The following GNAQ variants were observed in gnomAD, a reference collection of about 807,000 sequenced individuals.
GNAQ encodes the protein G protein subunit alpha q.
GNAQ carries 8 observed loss-of-function variants against 43.9 expected under a neutral mutation model. That is an observed-to-expected ratio of 0.18 (90% CI 0.11 to 0.33). The LOEUF is 0.33. Ranked by LOEUF, GNAQ falls within the 10% of genes least tolerant of loss-of-function variation. GNAQ has a pLI of 1.00. For synonymous variants in GNAQ, 155 were observed against 170.7 expected (o/e 0.91, Z 0.71); for missense variants, 158 against 450.8 (o/e 0.35, Z 5.88).
rs534042373 is a variant in GNAQ at position 77,719,325 on chromosome 9, T to C, written c.*1998A>G. The C allele has an allele frequency of 8.6e-6, 2 of 232,780 alleles. No individual in the cohort carries two copies. The highest frequency in any genetic ancestry group is 3.6e-4 in the South Asian group (2 of 5,520). The allele number at this position is 232,780 out of a possible 1,614,324, so 14.4% of individuals were successfully genotyped here. A position where few individuals can be genotyped will look rare whatever the true frequency, so the allele number is the denominator to read the frequency against. ...AAAATTAATGATTACAAAGCCAGTA[T>C]GGATGCTGCAATATCAAGAGAGATG... is the stretch of plus-strand genomic sequence containing the variant. On this transcript the variant is annotated 3_prime_UTR_variant, in exon 7 of 7. Coordinates refer to ENST00000286548, the MANE Select transcript of GNAQ (RefSeq NM_002072.5).
intron 2 of GNAQ, among the ~76,000 whole-genome samples, chr9:77,852,383 A>G (rs760816546): frequency 1.3e-5 from 2 of 152,228 alleles, no homozygotes; most frequent in Non-Finnish European, 2.9e-5. Flanking sequence ...GCTTTGGCAG[A>G]GCAATGAAGA....
chr9:77,821,821 A>T (rs558555786), intron 2 of GNAQ, among the ~76,000 whole-genome samples: 1 of 152,136 alleles, frequency 6.6e-6, no homozygotes, highest in African/African-American at 2.4e-5. Context: ...GTTTATACAA[A>T]GTCACAGTTG....
chr9:77,803,129 T>C (rs1826772703), intron 3 of GNAQ, among the ~76,000 whole-genome samples: 1 of 152,154 alleles, frequency 6.6e-6, no homozygotes, highest in African/African-American at 2.4e-5. Context: ...CTGTAGTGGT[T>C]AGAAAGGCAA....
chr9:77,870,324 G>GTTTTTTT (rs781464413), intron 2 of GNAQ, among the ~76,000 whole-genome samples: 2 of 111,112 alleles, frequency 1.8e-5, no homozygotes, highest in Non-Finnish European at 1.8e-5. Flanking sequence ...TTTGGTGCTA[G>GTTTTTTT]TTTTTTTTTT....
intron 2 of GNAQ, among the ~76,000 whole-genome samples, chr9:77,879,686 T>C (rs1318336111): frequency 1.3e-5 from 2 of 152,254 alleles, no homozygotes; most frequent in Admixed American, 6.5e-5. Context: ...AGGCCTAAAA[T>C]ATTTTTAAAA....
At chr9:77,747,125 G>C (rs10869962) in intron 5 of GNAQ, among the ~76,000 whole-genome samples, 85,450 of 151,942 alleles carry the variant, frequency 0.56, 27,188 homozygotes, top group Non-Finnish European at 0.72. Flanking sequence ...GGAAACACAG[G>C]AGAGTTTTCA....
At chr9:77,959,975 C>A (rs1823087837) in intron 1 of GNAQ, among the ~76,000 whole-genome samples, 3 of 152,126 alleles carry the variant, frequency 2.0e-5, no homozygotes, top group African/African-American at 7.2e-5. Context: ...CACCTCTATC[C>A]TCTGAAAGAA....
chr9:77,895,205 A>G (rs1828480357), intron 2 of GNAQ, among the ~76,000 whole-genome samples: 1 of 152,000 alleles, frequency 6.6e-6, no homozygotes, highest in Admixed American at 6.6e-5. Flanking sequence ...CTCAAAAAAA[A>G]AAAAAAAACA....
At chr9:77,827,694 T>C (rs1460164055) in intron 2 of GNAQ, among the ~76,000 whole-genome samples, 1 of 152,028 alleles carries the variant, frequency 6.6e-6, no homozygotes, top group East Asian at 1.9e-4. Context: ...GCTTCATTCT[T>C]CTCTCTCATT....
At chr9:77,842,785 T>C (rs558166883) in intron 2 of GNAQ, among the ~76,000 whole-genome samples, 2 of 152,164 alleles carry the variant, frequency 1.3e-5, no homozygotes, top group Non-Finnish European at 2.9e-5. Flanking sequence ...GATACTTTGA[T>C]GAACATATGC....
chr9:78,026,802 T>C (rs1347004697), intron 1 of GNAQ, among the ~76,000 whole-genome samples: 1 of 152,252 alleles, frequency 6.6e-6, no homozygotes, highest in South Asian at 2.1e-4. Flanking sequence ...TAAAACTGTA[T>C]AGCTTTCAGT....
chr9:77,972,526 T>C (rs1012567551), intron 1 of GNAQ, among the ~76,000 whole-genome samples: 8 of 152,144 alleles, frequency 5.3e-5, no homozygotes, highest in Non-Finnish European at 8.8e-5. Context: ...CAACAGCTTT[T>C]CCATAATAAG....
chr9:77,879,207 A>T (rs1262637973), intron 2 of GNAQ, among the ~76,000 whole-genome samples: 3 of 152,134 alleles, frequency 2.0e-5, no homozygotes, highest in Non-Finnish European at 4.4e-5. Context: ...ACTATTTTTT[A>T]AAAAATTGTC....
In GNAQ at chr9:77,815,802, C is replaced by T. The variant is rs554555395; in HGVS notation, c.322-32G>A. 19 of 1,544,076 alleles carry T rather than the reference C, an allele frequency of 1.2e-5. No homozygotes were observed. In the South Asian group the frequency reaches 1.8e-4, roughly 14 times the overall value. ...AAATAAAAAAAGGCAGTTTTAATAC[C>T]CTATTACTTTCCAAATTTTCTTTGC... is the stretch of plus-strand genomic sequence containing the variant. On this transcript the variant is annotated intron_variant, in intron 2 of 6. Transcript: ENST00000286548.
intron 1 of GNAQ, among the ~76,000 whole-genome samples, chr9:77,937,195 C>G (rs559113376): frequency 3.3e-4 from 50 of 152,304 alleles, no homozygotes; most frequent in Admixed American, 7.8e-4. Context: ...ATAATCCCAG[C>G]ACTTTGGGAG....
rs1289009525 is a variant in GNAQ, at chr9:77,720,129, T to C, written c.*1194A>G. The C allele has an allele frequency of 1.3e-5, 3 of 232,934 alleles. No homozygotes were observed. Among genetic ancestry groups the C allele is most frequent in the South Asian group, 1.8e-4 (1 of 5,526 alleles). The allele number at this position is 232,934 out of a possible 1,614,324, so 14.4% of individuals were successfully genotyped here. Reference sequence around the variant, plus strand: ...GAACATGGGACGTGAACACTAACAATGTCATCTTAAGGACAAAGAAAAGAA... The same window carrying C: ...GAACATGGGACGTGAACACTAACAACGTCATCTTAAGGACAAAGAAAAGAA... On this transcript the variant is annotated 3_prime_UTR_variant, in exon 7 of 7. Transcript: ENST00000286548.
chr9:78,006,120 A>T (rs936037418), intron 1 of GNAQ, among the ~76,000 whole-genome samples: 1 of 152,200 alleles, frequency 6.6e-6, no homozygotes, highest in Non-Finnish European at 1.5e-5. Flanking sequence ...TAAATGCCCT[A>T]GCTAATTCCC....
chr9:77,917,075 A>G (rs541934602), intron 2 of GNAQ, among the ~76,000 whole-genome samples: 2 of 152,344 alleles, frequency 1.3e-5, no homozygotes, highest in South Asian at 4.1e-4. Flanking sequence ...AAAGAATTAT[A>G]AAGGAAGAAG....
intron 5 of GNAQ, among the ~76,000 whole-genome samples, chr9:77,746,836 C>G (rs767392082): frequency 2.0e-5 from 3 of 152,048 alleles, no homozygotes; most frequent in Admixed American, 6.5e-5. Flanking sequence ...TTTTGAGACA[C>G]GAAGACAATA....
Sources: allele counts gnomAD v4.1 joint callset (sites outside exome capture counted in the v4.1 genomes callset), GRCh38; gene constraint gnomAD v4.1.1; transcripts MANE v1.5; gene names NCBI Gene and HGNC (gene_info 2026-07-23, HGNC 2026-07-21).